PARD3B: variants seen among roughly 807,000 people sequenced by gnomAD.
The protein encoded by PARD3B is partitioning defective 3 homolog B.
PARD3B carries 103 observed loss-of-function variants against 130.2 expected under a neutral mutation model. That is an observed-to-expected ratio of 0.79 (90% CI 0.67 to 0.93). The LOEUF is 0.93. PARD3B is among the 40% of genes least tolerant of loss of function. PARD3B has a pLI of 0.00. For missense variants in PARD3B, 1,609 were observed against 1,499.2 expected (o/e 1.07, Z -1.21); for synonymous variants, 583 against 553.2 (o/e 1.05, Z -0.76).
At chr2:204,821,822 T>C (rs185832537) in intron 2 of PARD3B, among the ~76,000 whole-genome samples, 1 of 152,302 alleles carries the variant, frequency 6.6e-6, no homozygotes, top group East Asian at 1.9e-4. Context: ...CCTTCCACCA[T>C]GATTGTGAGG....
At chr2:205,024,530 A>AAATTT (rs1696872569) in intron 3 of PARD3B, among the ~76,000 whole-genome samples, 1 of 152,104 alleles carries the variant, frequency 6.6e-6, no homozygotes, top group South Asian at 2.1e-4. Context: ...CCCAAATGAT[A>AAATTT]GGATTTACTA....
chr2:204,649,739 C>G (rs1289770731), intron 1 of PARD3B, among the ~76,000 whole-genome samples: 1 of 152,164 alleles, frequency 6.6e-6, no homozygotes, highest in African/African-American at 2.4e-5. Context: ...TGGACACCTT[C>G]CTTAAACCAT....
intron 2 of PARD3B, among the ~76,000 whole-genome samples, chr2:204,724,210 T>C (rs761506226): frequency 6.6e-5 from 10 of 152,300 alleles, no homozygotes; most frequent in Middle Eastern, 3.4e-3. Context: ...AAAAGTTTCA[T>C]TGGCAATCAT....
chr2:205,318,344 C>G (rs1421756155), intron 18 of PARD3B, among the ~76,000 whole-genome samples: 1 of 152,110 alleles, frequency 6.6e-6, no homozygotes, highest in Non-Finnish European at 1.5e-5. Flanking sequence ...TTTCCTAGAC[C>G]TTTGACCCAG....
At chr2:204,562,957 C>T (rs1328738484) in intron 1 of PARD3B, among the ~76,000 whole-genome samples, 4 of 152,146 alleles carry the variant, frequency 2.6e-5, no homozygotes, top group Admixed American at 6.5e-5. Context: ...GAGTCCCTCA[C>T]TCTATCGCTC....
chr2:205,435,426 T>G (rs1236506154), intron 19 of PARD3B, among the ~76,000 whole-genome samples: 1 of 152,094 alleles, frequency 6.6e-6, no homozygotes, highest in Non-Finnish European at 1.5e-5. Flanking sequence ...GATCCTTTAA[T>G]TATAATAAAG....
intron 18 of PARD3B, among the ~76,000 whole-genome samples, chr2:205,312,894 G>A (rs1310327029): frequency 1.3e-5 from 2 of 152,112 alleles, no homozygotes; most frequent in African/African-American, 4.8e-5. Flanking sequence ...TAATGGAATT[G>A]CAAAGTAGAG....
chr2:205,172,161 A>G (rs780851003), intron 11 of PARD3B, 50 bp from the exon 12 acceptor site: 1 of 1,568,846 alleles, frequency 6.4e-7, no homozygotes, highest in Non-Finnish European at 8.7e-7. Context: ...GCCACATGTC[A>G]TCACCATACT....
Position 204,623,507 on chromosome 2 carries a change from T to C in PARD3B, c.121-62674T>C, listed in dbSNP as rs2034376111. Reference sequence around the variant, plus strand: ...TCTATATCTCTATAATTTTGTCAATTAGAGTGTGTTGTGTAACTGAAATTA... The same window carrying C: ...TCTATATCTCTATAATTTTGTCAATCAGAGTGTGTTGTGTAACTGAAATTA... On this transcript the variant is annotated intron_variant, in intron 1 of 22. Transcript: ENST00000406610. This position sits in a 1 kb window ranked among gnomAD's most constrained non-coding sequence, Gnocchi z 4.5. Among the ~76,000 whole-genome samples the C allele has an allele frequency of 6.6e-6, 1 of 152,164 alleles. No individual in the cohort carries two copies. Among genetic ancestry groups the C allele is most frequent in the African/African-American group, 2.4e-5 (1 of 41,452 alleles).
chr2:204,983,251 C>A (rs1195100089), intron 3 of PARD3B, among the ~76,000 whole-genome samples: 1 of 151,988 alleles, frequency 6.6e-6, no homozygotes, highest in Non-Finnish European at 1.5e-5. Context: ...GTTTCATTCT[C>A]AAAAAAATTG....
Position 205,460,393 on chromosome 2 carries a change from G to GTGA in PARD3B, c.3044+19762_3044+19764dup, listed in dbSNP as rs3077792. Among the ~76,000 whole-genome samples the GTGA allele has an allele frequency of 0.39, 57,907 of 147,850 alleles. 12,553 individuals carry two copies. The highest frequency in any genetic ancestry group is 0.55 in the East Asian group (2,696 of 4,926). On this transcript the variant is annotated intron_variant, in intron 20 of 22. Transcript: ENST00000406610. The surrounding 1 kb of genome is among the most constrained non-coding windows in gnomAD (Gnocchi z 4.9). Reference sequence around the variant, plus strand: ...ATTATCAAGACTAAGGATGTTGATAGTGATGATGATGATGATGATGATGAT... The same window carrying GTGA: ...ATTATCAAGACTAAGGATGTTGATAGTGATGATGATGATGATGATGATGATGAT...
chr2:205,086,744 A>T (rs916341926), intron 4 of PARD3B, among the ~76,000 whole-genome samples: 4 of 152,210 alleles, frequency 2.6e-5, no homozygotes, highest in African/African-American at 4.8e-5. Context: ...AGAAGCAAAG[A>T]TTTAGGGCCA....
In PARD3B at chr2:204,804,363, A is replaced by G. The variant is rs1424937897; in HGVS notation, c.222+118081A>G. Among the ~76,000 whole-genome samples, 3 of 152,252 alleles carry G rather than the reference A, an allele frequency of 2.0e-5. No homozygotes were observed. In the East Asian group the frequency reaches 5.8e-4, roughly 29 times the overall value. On this transcript the variant is annotated intron_variant, in intron 2 of 22. Coordinates refer to ENST00000406610, the MANE Select transcript of PARD3B (RefSeq NM_001302769.2). ...ACAGGAATAGCTATATTTTTATAAG[A>G]CAAACTAGATTTCAAGACAAAAACT...
In PARD3B at chr2:204,686,580, G is replaced by T. The variant is rs1181153010; in HGVS notation, c.222+298G>T. ...GGCTGTTGGAATCATCATTGTCGTT[G>T]CTGGCTCTGTAGTTTATTCCTGGCC... On this transcript the variant is annotated intron_variant, in intron 2 of 22. Coordinates refer to ENST00000406610, the MANE Select transcript of PARD3B (RefSeq NM_001302769.2). 2.0e-5 allele frequency among the ~76,000 whole-genome samples: 3 copies of T among 152,166 alleles called. No homozygotes were observed. The East Asian group carries it at 5.8e-4, about 29-fold the overall frequency.
At chr2:205,119,872 A>G (rs1435701678) in intron 7 of PARD3B, among the ~76,000 whole-genome samples, 1 of 152,174 alleles carries the variant, frequency 6.6e-6, no homozygotes, top group Non-Finnish European at 1.5e-5. Flanking sequence ...GTACCCAGGA[A>G]TTAGAGTGTA....
chr2:205,519,104 T>G (rs760845963), intron 21 of PARD3B, among the ~76,000 whole-genome samples: 1 of 152,238 alleles, frequency 6.6e-6, no homozygotes, highest in Non-Finnish European at 1.5e-5. Context: ...AGGAGTTATC[T>G]GTATTTCCTG....
At chr2:205,138,786 T>G (rs1423468016) in intron 10 of PARD3B, among the ~76,000 whole-genome samples, 1 of 152,220 alleles carries the variant, frequency 6.6e-6, no homozygotes, top group Non-Finnish European at 1.5e-5. Flanking sequence ...TCAGAATGTC[T>G]GGGGAACATT....
At chr2:205,089,146 C>CTTTTTTTTTTTCTTTT (rs1701938244) in intron 4 of PARD3B, among the ~76,000 whole-genome samples, 1 of 143,266 alleles carries the variant, frequency 7.0e-6, no homozygotes. Context: ...TTTTTTCTTT[C>CTTTTTTTTTTTCTTTT]TTTTTTTTTT....
intron 21 of PARD3B, among the ~76,000 whole-genome samples, chr2:205,510,586 C>T (rs2050552395): frequency 6.6e-6 from 1 of 152,080 alleles, no homozygotes; most frequent in Admixed American, 6.5e-5. Flanking sequence ...AAGTACATTC[C>T]TTTCATCCCT....
Sources: allele counts gnomAD v4.1 joint callset (sites outside exome capture counted in the v4.1 genomes callset), GRCh38; gene constraint gnomAD v4.1.1; non-coding constraint Gnocchi (gnomAD v3.1); transcripts MANE v1.5; gene names NCBI Gene and HGNC (gene_info 2026-07-23, HGNC 2026-07-21).